Variants in ZNRF2 observed in about 807,000 individuals in gnomAD.
ZNRF2 encodes the protein E3 ubiquitin-protein ligase ZNRF2.
Under a neutral mutation model 20.4 loss-of-function variants are expected in ZNRF2, and 16 were observed. The ratio of observed to expected loss-of-function variants is 0.79; its 90% confidence interval spans 0.53 to 1.19. The LOEUF is 1.19. Ranked by LOEUF, ZNRF2 falls within the 50% of genes most tolerant of loss-of-function variation. The pLI is 0.00. For missense variants in ZNRF2, 363 were observed against 332.4 expected (o/e 1.09, Z -0.72); for synonymous variants, 178 against 144.9 (o/e 1.23, Z -1.64).
intron 2 of ZNRF2, among the ~76,000 whole-genome samples, chr7:30,345,875 G>T (rs1410391259): frequency 6.6e-6 from 1 of 152,080 alleles, no homozygotes; most frequent in Non-Finnish European, 1.5e-5. Context: ...TTGCGTTACA[G>T]TTCCAGATAC....
intron 2 of ZNRF2, among the ~76,000 whole-genome samples, chr7:30,335,388 T>G (rs1397995854): frequency 6.6e-6 from 1 of 152,164 alleles, no homozygotes. Flanking sequence ...ATTCTCCTGG[T>G]CATAGTTTTT....
chr7:30,338,792 G>C (rs1462692388), intron 2 of ZNRF2, among the ~76,000 whole-genome samples: 1 of 152,156 alleles, frequency 6.6e-6, no homozygotes, highest in African/African-American at 2.4e-5. Context: ...TATATACCAA[G>C]TAATGGGATT....
In ZNRF2 at chr7:30,366,104, A is replaced by T. The variant is rs1349315071; in HGVS notation, c.*92A>T. 2 of 152,602 alleles carry T rather than the reference A, an allele frequency of 1.3e-5. No homozygotes were observed. The highest frequency in any genetic ancestry group is 2.9e-5 in the Non-Finnish European group (2 of 68,032). The allele number at this position is 152,602 out of a possible 1,614,324, so 9.5% of individuals were successfully genotyped here. A position where few individuals can be genotyped will look rare whatever the true frequency, so the allele number is the denominator to read the frequency against. On this transcript the variant is annotated 3_prime_UTR_variant, in exon 5 of 5. Coordinates refer to ENST00000323037, the MANE Select transcript of ZNRF2 (RefSeq NM_147128.4). ...AAAATCTGTCTCTGGAGAAACAAAG[A>T]CGCAGGCATACTCAGCCAGAAATCT... is the stretch of plus-strand genomic sequence containing the variant.
chr7:30,289,750 C>T (rs1798863160), intron 1 of ZNRF2: 1 of 533,108 alleles, frequency 1.9e-6, no homozygotes, highest in Admixed American at 2.0e-5. Flanking sequence ...TTGCACAGGG[C>T]ATCACCTGAT....
At chr7:30,312,374 C>T (rs1799304878) in intron 1 of ZNRF2, among the ~76,000 whole-genome samples, 1 of 151,988 alleles carries the variant, frequency 6.6e-6, no homozygotes, top group Admixed American at 6.6e-5. Context: ...TGTGTTTGTG[C>T]GTTCATGTGC....
intron 1 of ZNRF2, among the ~76,000 whole-genome samples, chr7:30,288,205 CTATT>C (rs1798831118): frequency 6.6e-6 from 1 of 152,124 alleles, no homozygotes; most frequent in Non-Finnish European, 1.5e-5. Context: ...TTTTTAGTAT[CTATT>C]ATAACATTAT....
intron 1 of ZNRF2, among the ~76,000 whole-genome samples, chr7:30,300,054 G>A (rs1799086798): frequency 1.3e-5 from 2 of 151,742 alleles, no homozygotes; most frequent in South Asian, 4.2e-4. Context: ...AAAGTGCAGG[G>A]ATTACAGGCG....
intron 3 of ZNRF2, among the ~76,000 whole-genome samples, chr7:30,362,092 G>T (rs575573386): frequency 6.6e-6 from 1 of 152,134 alleles, no homozygotes; most frequent in South Asian, 2.1e-4. Context: ...TTGTTATTCA[G>T]TTTTGAATAT....
chr7:30,296,778 A>G (rs1799026432), intron 1 of ZNRF2, among the ~76,000 whole-genome samples: 1 of 152,214 alleles, frequency 6.6e-6, no homozygotes, highest in South Asian at 2.1e-4. Flanking sequence ...AGAATATTTA[A>G]TATTATTATT....
intron 1 of ZNRF2, among the ~76,000 whole-genome samples, chr7:30,318,553 T>C (rs1799413229): frequency 6.6e-6 from 1 of 152,184 alleles, no homozygotes; most frequent in South Asian, 2.1e-4. Flanking sequence ...CTCACCTGTA[T>C]TTTTCCTGCC....
intron 1 of ZNRF2, among the ~76,000 whole-genome samples, chr7:30,299,271 T>C (rs1166254383): frequency 6.6e-6 from 1 of 152,008 alleles, no homozygotes; most frequent in Non-Finnish European, 1.5e-5. Context: ...CTACAAAAAT[T>C]AGCCGAGCGT....
intron 2 of ZNRF2, among the ~76,000 whole-genome samples, chr7:30,350,327 TAAAGA>T (rs1799943953): frequency 6.6e-6 from 1 of 152,042 alleles, no homozygotes; most frequent in Non-Finnish European, 1.5e-5. Context: ...TATTTCCTCC[TAAAGA>T]ATAGTCTTAA....
rs997149544 is a variant in ZNRF2, at chr7:30,285,286, G to A, written c.-72G>A. Reference sequence around the variant, plus strand: ...CGCGGCGCCTGGGCCCTGCCCTCTAGCTCCCGCGCTCGCTCCCGCCCTCCC... The same window carrying A: ...CGCGGCGCCTGGGCCCTGCCCTCTAACTCCCGCGCTCGCTCCCGCCCTCCC... On this transcript the variant is annotated 5_prime_UTR_variant, in exon 1 of 5. Transcript: ENST00000323037. 2.9e-6 allele frequency: 3 copies of A among 1,024,588 alleles called. No individual in the cohort carries two copies. Among genetic ancestry groups the A allele is most frequent in the Non-Finnish European group, 2.3e-6 (2 of 851,446 alleles). 63.5% of individuals were successfully genotyped at this position (1,024,588 alleles called of 1,614,324 possible). A position where few individuals can be genotyped will look rare whatever the true frequency, so the allele number is the denominator to read the frequency against.
chr7:30,326,361 C>T (rs1369273058), intron 2 of ZNRF2, among the ~76,000 whole-genome samples: 1 of 152,180 alleles, frequency 6.6e-6, no homozygotes, highest in East Asian at 1.9e-4. Flanking sequence ...TCATTTAGCT[C>T]CCACTTACAA....
chr7:30,344,928 A>G (rs1049829605), intron 2 of ZNRF2, among the ~76,000 whole-genome samples: 12 of 152,160 alleles, frequency 7.9e-5, no homozygotes, highest in African/African-American at 2.2e-4. Context: ...AAGTATAATA[A>G]TGTGTTTCTG....
chr7:30,305,850 T>G (rs1387118829), intron 1 of ZNRF2, among the ~76,000 whole-genome samples: 1 of 152,330 alleles, frequency 6.6e-6, no homozygotes, highest in South Asian at 2.1e-4. Context: ...ATAAGACTTG[T>G]GATTCTTATT....
intron 2 of ZNRF2, among the ~76,000 whole-genome samples, chr7:30,354,325 G>A (rs1013250232): frequency 6.6e-6 from 1 of 152,112 alleles, no homozygotes; most frequent in African/African-American, 2.4e-5. Context: ...AACGTATTCA[G>A]TCCATTCAGC....
chr7:30,361,414 T>G (rs983857329), intron 3 of ZNRF2, among the ~76,000 whole-genome samples: 1 of 152,252 alleles, frequency 6.6e-6, no homozygotes, highest in African/African-American at 2.4e-5. Context: ...ATGAGGATGA[T>G]AAATGTTAAT....
At chr7:30,353,628 T>C (rs1324979335) in intron 2 of ZNRF2, among the ~76,000 whole-genome samples, 1 of 152,154 alleles carries the variant, frequency 6.6e-6, no homozygotes, top group Non-Finnish European at 1.5e-5. Context: ...TAAATTTTCT[T>C]ATAAATAGGA....
Sources: allele counts gnomAD v4.1 joint callset (sites outside exome capture counted in the v4.1 genomes callset), GRCh38; gene constraint gnomAD v4.1.1; transcripts MANE v1.5; gene names NCBI Gene and HGNC (gene_info 2026-07-23, HGNC 2026-07-21).